Variants in PCNT observed in about 807,000 individuals in gnomAD.
PCNT encodes the protein kendrin.
Under a neutral mutation model 380.4 loss-of-function variants are expected in PCNT, and 319 were observed. That is an observed-to-expected ratio of 0.84 (90% confidence interval 0.77 to 0.92). The LOEUF (loss-of-function observed/expected upper bound fraction) is 0.92, where lower values mean the gene tolerates loss of function less well. Ranked by LOEUF, PCNT falls within the 40% of genes least tolerant of loss-of-function variation. PCNT has a pLI of 0.00. For missense variants in PCNT, 4,400 were observed against 4,255.3 expected (o/e 1.03, Z -0.95); for synonymous variants, 1,845 against 1,735.2 (o/e 1.06, Z -1.57).
chr21:46,326,282 G>A, intron 1 of PCNT, 95 bp from the exon 2 acceptor site: 3 of 1,165,880 alleles, frequency 2.6e-6, no homozygotes, highest in Non-Finnish European at 3.8e-6. Context: ...TCAGCCCTCG[G>A]GCCTCATGGT....
chr21:46,389,906 C>T (rs186807260), intron 19 of PCNT, among the ~76,000 whole-genome samples: 2 of 152,298 alleles, frequency 1.3e-5, no homozygotes, highest in Admixed American at 6.5e-5. Context: ...GTAGCTCTGG[C>T]GCTGGAGGAG....
intron 27 of PCNT, among the ~76,000 whole-genome samples, chr21:46,405,436 G>A (rs1389370368): frequency 1.3e-5 from 2 of 152,292 alleles, no homozygotes; most frequent in East Asian, 1.9e-4. Flanking sequence ...GGTGGCTCAC[G>A]CCTGTAATCC....
rs1245216907 is a variant in PCNT, at chr21:46,335,704, TTA to T, written c.639+937_639+938del. 2.3e-3 allele frequency among the ~76,000 whole-genome samples: 347 copies of T among 147,974 alleles called. 4 individuals are homozygous for T. The highest frequency in any genetic ancestry group is 0.01 in the Middle Eastern group (3 of 286). On this transcript the variant is annotated intron_variant, in intron 3 of 46. Transcript: ENST00000359568. ...GGTTTTTGGGGTTTTTTTTTTTTTT[TTA>T]AATAGAGACGGAGTCTTGCTCTATT...
At position 46,436,144 on chromosome 21, in the gene PCNT, G is replaced by A. The variant is rs746130894; in HGVS notation, c.8992G>A (p.Asp2998Asn). 1 of 1,607,106 alleles carries A rather than the reference G, an allele frequency of 6.2e-7. No homozygotes were observed. The highest frequency in any genetic ancestry group is 1.3e-5 in the African/African-American group (1 of 75,040). ...LLTSFTSQAV[D>N]RTVNDWTSSN... ...CACCAGCTTCACCAGCCAGGCCGTG[G>A]ACAGGTGTGCACCCACGCCACCTGG... Residue 2998 changes from aspartate to asparagine, a missense_variant, in exon 39 of 47, where the codon GAC (aspartate) becomes AAC (asparagine). Asp to Asn is a conservative substitution (Grantham distance 23). Transcript: ENST00000359568.
At chr21:46,426,337 T>C (rs996415529) in intron 33 of PCNT, among the ~76,000 whole-genome samples, 2 of 152,000 alleles carry the variant, frequency 1.3e-5, no homozygotes, top group Admixed American at 1.3e-4. Flanking sequence ...TGGCCTAGGA[T>C]TTTTTTTAGC....
rs1460093232 is a variant in PCNT at position 46,425,482 on chromosome 21, C to G, written c.7180-349C>G. Among the ~76,000 whole-genome samples the G allele has an allele frequency of 6.6e-6, 1 of 152,224 alleles. No individual in the cohort carries two copies. Among genetic ancestry groups the G allele is most frequent in the African/African-American group, 2.4e-5 (1 of 41,448 alleles). On this transcript the variant is annotated intron_variant, in intron 32 of 46. Transcript: ENST00000359568. The surrounding 1 kb of genome is among the most constrained non-coding windows in gnomAD (Gnocchi z 4.2). ...TTTGTGATCTCGCTGTGGACATTGG[C>G]CTAAAGCCCTGCCCTGAGCTTTGTC...
At position 46,436,016 on chromosome 21, in the gene PCNT, G is replaced by C; in HGVS notation, c.8864G>C (p.Gly2955Ala). 1 of 1,614,110 alleles carries C rather than the reference G, an allele frequency of 6.2e-7. No individual in the cohort carries two copies. Among genetic ancestry groups the C allele is most frequent in the Non-Finnish European group, 8.5e-7 (1 of 1,180,014 alleles). The stretch of plus-strand genomic sequence containing the variant: ...GTGCCTGGCAGCCGCCTCCACCTAG[G>C]TTCTGCCCGCAGGGCTGCCGGCTCG... ...DEVPGSRLHL[G>A]SARRAAGSDA... is the part of the protein sequence containing the mutation. The change falls in exon 39 of 47, where the codon GGT (glycine) becomes GCT (alanine). Residue 2955 changes from glycine to alanine, a missense_variant. Coordinates refer to ENST00000359568, the MANE Select transcript of PCNT (RefSeq NM_006031.6).
In PCNT at chr21:46,431,914, A is replaced by G. The variant is rs1482598770; in HGVS notation, c.8450A>G (p.His2817Arg). 1 of 1,614,142 alleles carries G rather than the reference A, an allele frequency of 6.2e-7. No individual in the cohort carries two copies. Among genetic ancestry groups the G allele is most frequent in the Non-Finnish European group, 8.5e-7 (1 of 1,180,042 alleles). ...MLEKVQQQAL[H>R]SQQQLEAEAQ... ...GAAAAGGTGCAGCAGCAAGCCCTGC[A>G]TTCTCAGCAGCAGCTTGAGGCTGAG... The change falls in exon 38 of 47, where the codon CAT (histidine) becomes CGT (arginine). Residue 2817 changes from histidine (H) to arginine (R), a missense_variant. Transcript: ENST00000359568.
intron 3 of PCNT, among the ~76,000 whole-genome samples, chr21:46,343,609 G>A (rs1307171795): frequency 6.6e-6 from 1 of 152,048 alleles, no homozygotes; most frequent in Non-Finnish European, 1.5e-5. Flanking sequence ...TCCTGGTTTT[G>A]GTATTAGGGT....
At chr21:46,386,461 C>A (rs552415337) in intron 17 of PCNT, among the ~76,000 whole-genome samples, 41 of 152,358 alleles carry the variant, frequency 2.7e-4, no homozygotes, top group Admixed American at 2.3e-3. Flanking sequence ...TAGCCCTGTC[C>A]GTTCCTTTCT....
At chr21:46,327,092 G>T (rs1281742147) in intron 2 of PCNT, among the ~76,000 whole-genome samples, 1 of 150,546 alleles carries the variant, frequency 6.6e-6, no homozygotes, top group Non-Finnish European at 1.5e-5. Flanking sequence ...ATGGATTCTC[G>T]CTCTGTCTCC....
chr21:46,397,079 ATTC>A (rs1302652726), intron 21 of PCNT, among the ~76,000 whole-genome samples, 183 bp from the exon 22 acceptor site: 1 of 152,198 alleles, frequency 6.6e-6, no homozygotes, highest in African/African-American at 2.4e-5. Context: ...ACTCAGAAGT[ATTC>A]TTCTCAGGCT....
chr21:46,430,747 T>A, intron 37 of PCNT, 90 bp downstream of exon 37: 1 of 1,543,908 alleles, frequency 6.5e-7, no homozygotes, highest in Non-Finnish European at 8.7e-7. Context: ...CTTTTCCTGT[T>A]CTTCATGGCA....
rs12483196 is a variant in PCNT, at chr21:46,425,996, C to A, written c.7320+25C>A. ...GGTTTATTTTGCCCTTCACACACTT[C>A]TTTTCCAAAGGATTTAAGGAGCTTG... On this transcript the variant is annotated intron_variant, in intron 33 of 46. Coordinates refer to ENST00000359568, the MANE Select transcript of PCNT (RefSeq NM_006031.6). The surrounding 1 kb of genome is among the most constrained non-coding windows in gnomAD (Gnocchi z 4.2). 2 of 1,595,418 alleles carry A rather than the reference C, an allele frequency of 1.3e-6. No individual in the cohort carries two copies. The highest frequency in any genetic ancestry group is 4.6e-5 in the East Asian group (2 of 43,412).
At position 46,326,415 on chromosome 21, in the gene PCNT, T is replaced by C; in HGVS notation, c.93T>C (p.Ser31=). The change falls in exon 2 of 47, where the codon AGT becomes AGC. Residue 31 remains serine, a synonymous_variant. Coordinates refer to ENST00000359568, the MANE Select transcript of PCNT (RefSeq NM_006031.6). ...HFRQRKTKGD[S]SHSEKKTAKR... Reference sequence around the variant, plus strand: ...GACAGAGAAAAACAAAAGGTGACAGTTCGCATTCGGAGAAAAAGACGGCGA... The same window carrying C: ...GACAGAGAAAAACAAAAGGTGACAGCTCGCATTCGGAGAAAAAGACGGCGA... 1 of 1,614,194 alleles carries C rather than the reference T, an allele frequency of 6.2e-7. No homozygotes were observed. Among genetic ancestry groups the C allele is most frequent in the Non-Finnish European group, 8.5e-7 (1 of 1,180,036 alleles).
intron 42 of PCNT, 23 bp from the exon 43 acceptor site, chr21:46,440,832 T>A: frequency 6.9e-7 from 1 of 1,439,370 alleles, no homozygotes; most frequent in South Asian, 1.1e-5. Flanking sequence ...TATGATAAAA[T>A]TTTACTGCTT....
At chr21:46,347,607 C>G in intron 6 of PCNT, 95 bp downstream of exon 6, 1 of 1,136,248 alleles carries the variant, frequency 8.8e-7, no homozygotes, top group Non-Finnish European at 1.3e-6. Context: ...TTGATTCAGA[C>G]AGAAGCCAGT....
intron 27 of PCNT, among the ~76,000 whole-genome samples, chr21:46,407,485 G>T (rs979971249): frequency 6.6e-6 from 1 of 151,902 alleles, no homozygotes. Context: ...GGGACTACAG[G>T]CGCCTGCCAC....
intron 15 of PCNT, among the ~76,000 whole-genome samples, chr21:46,378,398 T>C (rs1012043446): frequency 1.3e-5 from 2 of 152,226 alleles, no homozygotes; most frequent in East Asian, 3.8e-4. Context: ...GAACGGCCTC[T>C]CTTGCGCTTT....
Sources: allele counts gnomAD v4.1 joint callset (sites outside exome capture counted in the v4.1 genomes callset), GRCh38; gene constraint gnomAD v4.1.1; non-coding constraint Gnocchi (gnomAD v3.1); transcripts MANE v1.5; gene names NCBI Gene and HGNC (gene_info 2026-07-23, HGNC 2026-07-21).